The following DAPK1 variants were observed in gnomAD, a reference collection of about 807,000 sequenced individuals.
The protein encoded by DAPK1 is death associated protein kinase 1.
In DAPK1, 56 loss-of-function variants were observed where a neutral mutation model predicts 144.9. The observed-to-expected ratio is 0.39, with a 90% CI of 0.31 to 0.48. The LOEUF (loss-of-function observed/expected upper bound fraction) is 0.48, where lower values mean the gene tolerates loss of function less well. Among genes scored for constraint, DAPK1 ranks in the 20% least tolerant of loss-of-function variants. The pLI is 0.95. For missense variants in DAPK1, 1,454 were observed against 1,875.4 expected (o/e 0.78, Z 4.15); for synonymous variants, 690 against 749.0 (o/e 0.92, Z 1.29).
At chr9:87,540,250 C>T (rs1367424149) in intron 2 of DAPK1, among the ~76,000 whole-genome samples, 7 of 134,552 alleles carry the variant, frequency 5.2e-5, no homozygotes, top group Non-Finnish European at 1.1e-4. Flanking sequence ...AATACAGTGG[C>T]ACCATCTCAG....
chr9:87,631,678 A>G (rs1829695976), intron 3 of DAPK1, among the ~76,000 whole-genome samples: 1 of 152,240 alleles, frequency 6.6e-6, no homozygotes, highest in Admixed American at 6.5e-5. Context: ...ACAAAGAGAA[A>G]AAGTGCAAGG....
chr9:87,706,812 G>A lies in DAPK1; in HGVS notation c.3741G>A (p.Glu1247=). Residue 1247 remains glutamate (E), a synonymous_variant, in exon 26 of 26, where the codon GAG becomes GAA. Transcript: ENST00000408954. This position sits in a 1 kb window ranked among gnomAD's most constrained non-coding sequence, Gnocchi z 9.0. Reference sequence around the variant, plus strand: ...CCCAGCAGCTGCGGGAGCACCATGAGCCCGTCATGATCTACCAGCCACGGG... The same window carrying A: ...CCCAGCAGCTGCGGGAGCACCATGAACCCGTCATGATCTACCAGCCACGGG... The part of the protein sequence containing the change: ...LSPQQLREHH[E]PVMIYQPRDF... 1 of 1,613,636 alleles carries A rather than the reference G, an allele frequency of 6.2e-7. No individual in the cohort carries two copies. Among genetic ancestry groups the A allele is most frequent in the South Asian group, 1.1e-5 (1 of 91,064 alleles).
At chr9:87,610,663 G>A (rs1056048416) in intron 3 of DAPK1, among the ~76,000 whole-genome samples, 3 of 152,206 alleles carry the variant, frequency 2.0e-5, no homozygotes, top group Admixed American at 6.5e-5. Context: ...ATGTAAATGA[G>A]GATGGTTGGC....
intron 2 of DAPK1, among the ~76,000 whole-genome samples, chr9:87,529,720 A>G (rs528017994): frequency 1.7e-4 from 26 of 152,338 alleles, no homozygotes; most frequent in African/African-American, 5.3e-4. Context: ...AGGACCCTTG[A>G]CTGCATTGAG....
chr9:87,523,387 C>T lies in DAPK1; in HGVS notation c.62+24248C>T, dbSNP rs565164235. 7.9e-5 allele frequency among the ~76,000 whole-genome samples: 12 copies of T among 152,262 alleles called. No homozygotes were observed. In the South Asian group the frequency reaches 2.1e-3, roughly 26 times the overall value. On this transcript the variant is annotated intron_variant, in intron 2 of 25. Coordinates refer to ENST00000408954, the MANE Select transcript of DAPK1 (RefSeq NM_004938.4). ...TCATGGCTCACTGCAGCCTCGACCT[C>T]CTGGGCTTAAAAGATCTTTCCACCT... is the stretch of plus-strand genomic sequence containing the variant.
chr9:87,502,543 C>T (rs1218371329), intron 2 of DAPK1, among the ~76,000 whole-genome samples: 2 of 152,202 alleles, frequency 1.3e-5, no homozygotes, highest in Non-Finnish European at 2.9e-5. Context: ...CACCCTTGGC[C>T]GTCGTTCAGC....
At chr9:87,526,178 A>G (rs1349928823) in intron 2 of DAPK1, among the ~76,000 whole-genome samples, 3 of 152,168 alleles carry the variant, frequency 2.0e-5, no homozygotes, top group Admixed American at 6.5e-5. Flanking sequence ...GAAAAAAGGT[A>G]TAGTTTGTGT....
intron 1 of DAPK1, 49 bp from the exon 2 acceptor site, chr9:87,498,921 T>G (rs924033501): frequency 1.7e-6 from 1 of 595,368 alleles, no homozygotes; most frequent in Non-Finnish European, 3.1e-6. Context: ...TACTTCCTTT[T>G]GGGGTTGCCA....
In DAPK1 at chr9:87,660,909, A is replaced by G. The variant is rs568666877; in HGVS notation, c.1923+2782A>G. Among the ~76,000 whole-genome samples the G allele has an allele frequency of 3.9e-5, 6 of 152,126 alleles. No homozygotes were observed. In the East Asian group the frequency reaches 5.8e-4, roughly 15 times the overall value. ...CGCCAGGCTGGAATGCAGTGAGGCA[A>G]TCTCGGCTCACTGCAACCTCTGCCT... On this transcript the variant is annotated intron_variant, in intron 18 of 25. Coordinates refer to ENST00000408954, the MANE Select transcript of DAPK1 (RefSeq NM_004938.4).
At chr9:87,592,662 G>A (rs185679538) in intron 2 of DAPK1, among the ~76,000 whole-genome samples, 42 of 152,266 alleles carry the variant, frequency 2.8e-4, no homozygotes, top group Admixed American at 1.5e-3. Flanking sequence ...TGGCTCTCAC[G>A]ATAAGCTGCA....
At chr9:87,615,771 G>A (rs143764917) in intron 3 of DAPK1, among the ~76,000 whole-genome samples, 1 of 152,348 alleles carries the variant, frequency 6.6e-6, no homozygotes, top group Non-Finnish European at 1.5e-5. Context: ...CTCTAGGAGA[G>A]TGGTGTTACC....
intron 2 of DAPK1, among the ~76,000 whole-genome samples, chr9:87,575,201 C>G (rs1025337324): frequency 1.4e-4 from 18 of 132,530 alleles, no homozygotes; most frequent in African/African-American, 4.2e-4. Flanking sequence ...GTCTGGGCAA[C>G]AGACTCCATC....
chr9:87,539,732 T>C (rs1273000036), intron 2 of DAPK1, among the ~76,000 whole-genome samples: 1 of 152,094 alleles, frequency 6.6e-6, no homozygotes, highest in Non-Finnish European at 1.5e-5. Flanking sequence ...TTCACACCTT[T>C]CTGAGGAGAG....
intron 18 of DAPK1, among the ~76,000 whole-genome samples, chr9:87,666,415 TA>T (rs1831054001): frequency 6.6e-6 from 1 of 152,126 alleles, no homozygotes; most frequent in South Asian, 2.1e-4. Flanking sequence ...TTGCAAGCTG[TA>T]AAGTGCAGTG....
At chr9:87,658,594 C>T (rs936945225) in intron 18 of DAPK1, among the ~76,000 whole-genome samples, 1 of 152,202 alleles carries the variant, frequency 6.6e-6, no homozygotes. Flanking sequence ...CTTAAAGAGT[C>T]AGGCATTGCT....
At chr9:87,696,654 T>C (rs1477027657) in intron 21 of DAPK1, among the ~76,000 whole-genome samples, 1 of 152,126 alleles carries the variant, frequency 6.6e-6, no homozygotes, top group African/African-American at 2.4e-5. Flanking sequence ...ATCCACGTTC[T>C]CAGGACCTAA....
chr9:87,626,263 A>G (rs1829485824), intron 3 of DAPK1, among the ~76,000 whole-genome samples: 1 of 152,132 alleles, frequency 6.6e-6, no homozygotes, highest in Non-Finnish European at 1.5e-5. Flanking sequence ...TAAACACAAA[A>G]AATTAGCTGG....
intron 2 of DAPK1, among the ~76,000 whole-genome samples, chr9:87,518,102 G>GTTTTT (rs1405931107): frequency 2.6e-5 from 1 of 38,368 alleles, no homozygotes; most frequent in African/African-American, 4.3e-5. Context: ...CGTTTATGTT[G>GTTTTT]TTGTTTTTTT....
chr9:87,679,283 C>T (rs987968198), intron 19 of DAPK1, among the ~76,000 whole-genome samples: 1 of 152,036 alleles, frequency 6.6e-6, no homozygotes, highest in Admixed American at 6.6e-5. Flanking sequence ...AAGAAGCAAC[C>T]AGGAGGAGAT....
Sources: gnomAD v4.1 joint callset for allele counts (sites outside exome capture counted in the v4.1 genomes callset) on GRCh38, gnomAD v4.1.1 for gene constraint, Gnocchi (gnomAD v3.1) non-coding constraint, MANE v1.5 for transcripts, NCBI Gene and HGNC (gene_info 2026-07-23, HGNC 2026-07-21) for gene names.